Variants in GRM5 observed in about 807,000 individuals in gnomAD.
GRM5 encodes the protein metabotropic glutamate receptor 5.
Under a neutral mutation model 83.1 loss-of-function variants are expected in GRM5, and 19 were observed. That is an observed-to-expected ratio of 0.23 (90% CI 0.16 to 0.34). GRM5 has a LOEUF of 0.34. Ranked by LOEUF, GRM5 falls within the 10% of genes least tolerant of loss-of-function variation. The pLI is 1.00. For synonymous variants in GRM5, 675 were observed against 633.6 expected (o/e 1.07, Z -0.98); for missense variants, 1,160 against 1,588.3 (o/e 0.73, Z 4.58).
intron 2 of GRM5, among the ~76,000 whole-genome samples, chr11:88,967,201 G>GTA (rs1939002876): frequency 7.4e-6 from 1 of 135,756 alleles, no homozygotes; most frequent in Non-Finnish European, 1.6e-5. Flanking sequence ...ATATATGTGT[G>GTA]TGTGTGTGTG....
At chr11:88,735,165 T>A (rs936269096) in intron 3 of GRM5, among the ~76,000 whole-genome samples, 2 of 152,042 alleles carry the variant, frequency 1.3e-5, no homozygotes, top group African/African-American at 2.4e-5. Flanking sequence ...AGTTTTATTT[T>A]TTTAAATGAT....
intron 2 of GRM5, among the ~76,000 whole-genome samples, chr11:88,909,468 C>CTT (rs386374432): frequency 0.032 from 4,464 of 138,420 alleles, 154 homozygotes; most frequent in East Asian, 0.17. Flanking sequence ...TTTTTGTCTA[C>CTT]TTTTTTTTTT....
At chr11:88,814,863 T>C (rs1003657288) in intron 3 of GRM5, among the ~76,000 whole-genome samples, 5 of 152,294 alleles carry the variant, frequency 3.3e-5, no homozygotes, top group South Asian at 4.1e-4. Flanking sequence ...TGGATCAAAG[T>C]GTCAATTCAT....
intron 3 of GRM5, among the ~76,000 whole-genome samples, chr11:88,728,609 A>T (rs1390011345): frequency 6.6e-6 from 1 of 152,130 alleles, no homozygotes; most frequent in Non-Finnish European, 1.5e-5. Flanking sequence ...GAGGAACATC[A>T]ACATGAAAAT....
At chr11:88,649,434 TTTA>T (rs1939571426) in intron 4 of GRM5, among the ~76,000 whole-genome samples, 1 of 143,894 alleles carries the variant, frequency 6.9e-6, no homozygotes, top group Non-Finnish European at 1.5e-5. Context: ...ATATATGACA[TTTA>T]TTATGTATTA....
chr11:88,920,442 A>T (rs1017786364), intron 2 of GRM5, among the ~76,000 whole-genome samples: 1 of 114,274 alleles, frequency 8.8e-6, no homozygotes, highest in Non-Finnish European at 1.9e-5. Context: ...AAAAAAAAAA[A>T]ACCTCAGGGC....
chr11:88,567,187 G>C lies in GRM5; in HGVS notation c.2496C>G (p.Asn832Lys). ...VYIILAKPER[N>K]VRSAFTTSTV... Reference sequence around the variant, plus strand: ...TAGATGTGGTGAAGGCGCTGCGCACGTTTCTCTCTGGTTTGGCCAGGATGA... The same window carrying C: ...TAGATGTGGTGAAGGCGCTGCGCACCTTTCTCTCTGGTTTGGCCAGGATGA... Residue 832 changes from asparagine (N) to lysine (K), a missense_variant, in exon 8 of 10, where the codon AAC (asparagine) becomes AAG (lysine). Transcript: ENST00000305447. The surrounding 1 kb of genome is among the most constrained non-coding windows in gnomAD (Gnocchi z 7.3). 2 of 1,614,026 alleles carry C rather than the reference G, an allele frequency of 1.2e-6. No individual in the cohort carries two copies. Among genetic ancestry groups the C allele is most frequent in the Non-Finnish European group, 8.5e-7 (1 of 1,179,958 alleles).
At chr11:88,778,119 G>T (rs1942897625) in intron 3 of GRM5, among the ~76,000 whole-genome samples, 1 of 152,062 alleles carries the variant, frequency 6.6e-6, no homozygotes, top group Non-Finnish European at 1.5e-5. Context: ...CCCATTTGGA[G>T]CTTCCTTGGC....
At chr11:88,612,848 A>C (rs978847233) in intron 4 of GRM5, 6 of 152,252 alleles carry the variant, frequency 3.9e-5, no homozygotes, top group African/African-American at 1.4e-4. Context: ...ATCCTTGCGC[A>C]GGGGCCATGC....
At chr11:88,834,022 G>C (rs1160778102) in intron 3 of GRM5, among the ~76,000 whole-genome samples, 1 of 152,134 alleles carries the variant, frequency 6.6e-6, no homozygotes, top group Admixed American at 6.5e-5. Context: ...TGTACAATTA[G>C]ATAGAAGAAA....
chr11:88,917,991 A>C (rs569494587), intron 2 of GRM5, among the ~76,000 whole-genome samples: 1 of 152,254 alleles, frequency 6.6e-6, no homozygotes, highest in East Asian at 1.9e-4. Context: ...TATAGAACAC[A>C]AGCAGACTTA....
intron 8 of GRM5, among the ~76,000 whole-genome samples, chr11:88,545,315 C>T (rs1942362744): frequency 6.6e-6 from 1 of 152,132 alleles, no homozygotes; most frequent in African/African-American, 2.4e-5. Flanking sequence ...TGGACTTGTT[C>T]ACTTAGATGT....
At chr11:88,637,414 G>A (rs1291941189) in intron 4 of GRM5, among the ~76,000 whole-genome samples, 9 of 151,856 alleles carry the variant, frequency 5.9e-5, no homozygotes, top group Admixed American at 5.9e-4. Context: ...ATCTGACAAA[G>A]GGCTAATATC....
At chr11:88,571,060 A>G (rs906145485) in intron 7 of GRM5, among the ~76,000 whole-genome samples, 1 of 152,176 alleles carries the variant, frequency 6.6e-6, no homozygotes, top group Admixed American at 6.5e-5. Flanking sequence ...AATGAGCTGG[A>G]AAAAGTAATT....
At chr11:88,723,345 G>T (rs1941592206) in intron 3 of GRM5, among the ~76,000 whole-genome samples, 1 of 152,128 alleles carries the variant, frequency 6.6e-6, no homozygotes, top group African/African-American at 2.4e-5. Context: ...ACATATTTAT[G>T]TGTAGGTTTT....
intron 3 of GRM5, among the ~76,000 whole-genome samples, chr11:88,729,576 C>A (rs1591472420): frequency 6.6e-6 from 1 of 152,082 alleles, no homozygotes; most frequent in African/African-American, 2.4e-5. Flanking sequence ...CCAAGACAAT[C>A]CTAAATAAAA....
intron 3 of GRM5, among the ~76,000 whole-genome samples, chr11:88,739,021 C>T (rs527699567): frequency 7.2e-5 from 11 of 152,176 alleles, no homozygotes; most frequent in African/African-American, 2.4e-4. Context: ...CATTAGAATA[C>T]ATTTCTATAT....
In GRM5 at chr11:88,526,694, C is replaced by T. The variant is rs537673171; in HGVS notation, c.2631-1290G>A. On this transcript the variant is annotated intron_variant, in intron 8 of 9. Transcript: ENST00000305447. ...AAATAAAATGCAACAAAGTCAACATCATTATTGATCCTGGGGCAGAGGCCT... is the reference window on the plus strand; with the variant it reads ...AAATAAAATGCAACAAAGTCAACATTATTATTGATCCTGGGGCAGAGGCCT... Among the ~76,000 whole-genome samples the T allele has an allele frequency of 8.9e-4, 135 of 152,056 alleles. 2 individuals are homozygous for T. The highest frequency in any genetic ancestry group is 3.1e-3 in the African/African-American group (127 of 41,488).
At chr11:88,847,827 T>G (rs1469174386) in intron 3 of GRM5, among the ~76,000 whole-genome samples, 1 of 152,286 alleles carries the variant, frequency 6.6e-6, no homozygotes, top group African/African-American at 2.4e-5. Context: ...ATATACAAAA[T>G]AGATTTTAAA....
Sources: allele counts gnomAD v4.1 joint callset (sites outside exome capture counted in the v4.1 genomes callset), GRCh38; gene constraint gnomAD v4.1.1; non-coding constraint Gnocchi (gnomAD v3.1); transcripts MANE v1.5; gene names NCBI Gene and HGNC (gene_info 2026-07-23, HGNC 2026-07-21).